Variants in MYLK3 observed in about 807,000 individuals in gnomAD.
MYLK3 encodes the protein myosin light chain kinase 3.
A neutral mutation model predicts 76.3 loss-of-function variants in MYLK3; 55 were observed. The ratio of observed to expected loss-of-function variants is 0.72; its 90% CI spans 0.58 to 0.90. MYLK3 has a LOEUF of 0.90. Ranked by LOEUF, MYLK3 falls within the 40% of genes least tolerant of loss-of-function variation. The pLI is 0.00. For synonymous variants in MYLK3, 416 were observed against 425.4 expected, an observed-to-expected ratio of 0.98 and a Z score of 0.27; for missense variants, 973 against 1,053.6, an observed-to-expected ratio of 0.92 and a Z score of 1.06.
chr16:46,740,855 G>A (rs186679351), intron 1 of MYLK3, among the ~76,000 whole-genome samples: 4 of 152,290 alleles, frequency 2.6e-5, no homozygotes, highest in Admixed American at 2.6e-4. Flanking sequence ...CCCGGCCAGA[G>A]ATGGAAAATA....
In MYLK3 at chr16:46,727,232, C is replaced by A. The variant is rs1343256596; in HGVS notation, c.1914+4G>T. 2 of 1,613,310 alleles carry A rather than the reference C, an allele frequency of 1.2e-6. No individual in the cohort carries two copies. The highest frequency in any genetic ancestry group is 1.7e-6 in the Non-Finnish European group (2 of 1,179,366). On this transcript the variant is annotated splice_donor_region_variant and intron_variant, in intron 8 of 12. Coordinates refer to ENST00000394809, the MANE Select transcript of MYLK3 (RefSeq NM_182493.3). ...CCCTACCGCATGCCCAGGGCAGAAC[C>A]CACCTTGAGGTCCAGGTGCAGGATG...
chr16:46,758,727 G>A (rs1275053927), intron 1 of MYLK3, among the ~76,000 whole-genome samples: 2 of 152,182 alleles, frequency 1.3e-5, no homozygotes, highest in Admixed American at 6.5e-5. Context: ...AGGTCACACA[G>A]CACGTAAGTA....
intron 9 of MYLK3, among the ~76,000 whole-genome samples, chr16:46,714,639 C>G (rs1294666338): frequency 6.6e-6 from 1 of 152,238 alleles, no homozygotes; most frequent in East Asian, 1.9e-4. Flanking sequence ...TTCCCAGTGC[C>G]TCTTCGTGCC....
intron 8 of MYLK3, among the ~76,000 whole-genome samples, chr16:46,724,702 T>C (rs946803259): frequency 6.6e-6 from 1 of 152,242 alleles, no homozygotes; most frequent in African/African-American, 2.4e-5. Flanking sequence ...TTCTGTAGCA[T>C]TGTAGAAAGT....
At chr16:46,763,088 A>T (rs1026290239) in exon 1 of MYLK3, 62 of 985,288 alleles carry the variant, frequency 6.3e-5, no homozygotes, top group Non-Finnish European at 6.7e-5. Flanking sequence ...TCTTGTTTTC[A>T]TAAGTCTCCA....
chr16:46,731,716 C>T (rs1457441439), intron 4 of MYLK3, among the ~76,000 whole-genome samples: 2 of 152,166 alleles, frequency 1.3e-5, no homozygotes, highest in African/African-American at 2.4e-5. Context: ...TTCATGTCTT[C>T]GCTTTTTAAC....
At chr16:46,761,538 AG>A (rs1339776920) in intron 1 of MYLK3, among the ~76,000 whole-genome samples, 3 of 152,072 alleles carry the variant, frequency 2.0e-5, no homozygotes, top group African/African-American at 7.2e-5. Context: ...TAGGCTGAGC[AG>A]GGCACAGTGG....
At chr16:46,756,066 C>T (rs1306684989) in intron 1 of MYLK3, among the ~76,000 whole-genome samples, 4 of 151,896 alleles carry the variant, frequency 2.6e-5, no homozygotes, top group Admixed American at 2.0e-4. Context: ...CATGCCACCA[C>T]ACCCGGCTAA....
At chr16:46,753,241 GGAATGCAA>G (rs1302543711), upstream of MYLK3, among the ~76,000 whole-genome samples, 12 of 152,204 alleles carry the variant, frequency 7.9e-5, no homozygotes, top group Non-Finnish European at 2.9e-5. Context: ...ATGGGGAGCA[GGAATGCAA>G]GACTGAAAAG....
At position 46,748,318 on chromosome 16, in the gene MYLK3, C is replaced by A; in HGVS notation, c.-125G>T. On this transcript the variant is annotated 5_prime_UTR_variant, in exon 1 of 13. Transcript: ENST00000394809. This position sits in a 1 kb window ranked among gnomAD's most constrained non-coding sequence, Gnocchi z 4.3. ...GTAGCTGACAGACTCCTGGCAGCAC[C>A]AACCTCCACGATGGCCTGGGCTGTG... 3 of 1,438,562 alleles carry A rather than the reference C, an allele frequency of 2.1e-6. No individual in the cohort carries two copies. 89.1% of individuals were successfully genotyped at this position (1,438,562 alleles called of 1,614,324 possible).
intron 4 of MYLK3, among the ~76,000 whole-genome samples, chr16:46,731,973 G>A (rs1966853352): frequency 6.6e-6 from 1 of 152,084 alleles, no homozygotes; most frequent in Non-Finnish European, 1.5e-5. Flanking sequence ...AATGTACCCA[G>A]GTGGGCCACA....
rs2143019105 is a variant in MYLK3, at chr16:46,762,988, T to A, written c.-114+52A>T. The A allele has an allele frequency of 9.1e-6, 9 of 985,190 alleles. No homozygotes were observed. The South Asian group carries it at 4.2e-4, about 46-fold the overall frequency. 61.0% of individuals were successfully genotyped at this position (985,190 alleles called of 1,614,324 possible). A position where few individuals can be genotyped will look rare whatever the true frequency, so the allele number is the denominator to read the frequency against. ...GGTCTACAAGTCCCTAATACACTGC[T>A]GAAAACACCCCCCCACACACACACA... On this transcript the variant is annotated intron_variant, in intron 1 of 11. Coordinates refer to the MYLK3 transcript ENST00000536476.
upstream of MYLK3, among the ~76,000 whole-genome samples, chr16:46,752,440 C>A (rs1257132501): frequency 6.6e-6 from 1 of 152,112 alleles, no homozygotes; most frequent in Non-Finnish European, 1.5e-5. Flanking sequence ...AGGTATTAAG[C>A]CTAGTACCCA....
upstream of MYLK3, among the ~76,000 whole-genome samples, chr16:46,750,603 A>G (rs1967110743): frequency 6.6e-6 from 1 of 152,170 alleles, no homozygotes; most frequent in South Asian, 2.1e-4. Context: ...CTGAGGCAGG[A>G]GAATTGCTTG....
intron 10 of MYLK3, chr16:46,711,636 A>C (rs1169442684): frequency 9.1e-6 from 4 of 437,658 alleles, no homozygotes; most frequent in Non-Finnish European, 1.8e-5. Context: ...ACAGCTTCCC[A>C]AAGTGCTGGG....
rs1451694315 is a variant in MYLK3 at position 46,732,630 on chromosome 16, T to A, written c.1040A>T (p.Glu347Val). The change falls in exon 4 of 13, where the codon GAG becomes GTG. Residue 347 changes from glutamate to valine, a missense_variant. Glu to Val is a moderately radical substitution (Grantham distance 121). This residue lies in a region of MYLK3 where 641 missense variants were observed against 637.0 expected (regional missense o/e 1.01). Coordinates refer to ENST00000394809, the MANE Select transcript of MYLK3 (RefSeq NM_182493.3). ...IHIQEMDTPG[E>V]MLMTGRGSLG... is the part of the protein sequence containing the mutation. ...GCTGCCCCTGCCTGTCATCAGCATCTCCCCAGGAGTATCCATCTCTTGTAT... is the reference window on the plus strand; with the variant it reads ...GCTGCCCCTGCCTGTCATCAGCATCACCCCAGGAGTATCCATCTCTTGTAT... The A allele has an allele frequency of 6.4e-7, 1 of 1,552,852 alleles. No homozygotes were observed. The highest frequency in any genetic ancestry group is 8.6e-7 in the Non-Finnish European group (1 of 1,156,178).
At chr16:46,759,367 G>A (rs1268704196) in intron 1 of MYLK3, among the ~76,000 whole-genome samples, 2 of 152,232 alleles carry the variant, frequency 1.3e-5, no homozygotes, top group African/African-American at 4.8e-5. Context: ...CATTCACTGA[G>A]CAACAACAAA....
At chr16:46,730,899 C>A (rs937386479) in intron 4 of MYLK3, among the ~76,000 whole-genome samples, 1 of 152,208 alleles carries the variant, frequency 6.6e-6, no homozygotes, top group African/African-American at 2.4e-5. Context: ...GCACTCAAAC[C>A]CAGGTCTCCC....
At chr16:46,721,270 CTGTTTT>C in intron 8 of MYLK3, 77 bp from the exon 9 acceptor site, 1 of 1,385,580 alleles carries the variant, frequency 7.2e-7, no homozygotes, top group Non-Finnish European at 1.0e-6. Context: ...CTATAGGCCT[CTGTTTT>C]CCAGCCTTCA....
Sources: allele counts gnomAD v4.1 joint callset (sites outside exome capture counted in the v4.1 genomes callset), GRCh38; gene constraint gnomAD v4.1.1; regional missense constraint gnomAD v4.1.1; non-coding constraint Gnocchi (gnomAD v3.1); transcripts MANE v1.5; gene names NCBI Gene and HGNC (gene_info 2026-07-23, HGNC 2026-07-21).